Variants in SH3PXD2A observed in about 807,000 individuals in gnomAD.
SH3PXD2A encodes the protein SH3 and PX domains 2A.
A neutral mutation model predicts 115.2 loss-of-function variants in SH3PXD2A; 32 were observed. That is an observed-to-expected ratio of 0.28 (90% CI 0.21 to 0.37). The LOEUF is 0.37. Ranked by LOEUF, SH3PXD2A falls within the 10% of genes least tolerant of loss-of-function variation. SH3PXD2A has a pLI of 1.00. For synonymous variants in SH3PXD2A, 610 were observed against 629.1 expected, an observed-to-expected ratio of 0.97 and a Z score of 0.45; for missense variants, 1,328 against 1,498.7, an observed-to-expected ratio of 0.89 and a Z score of 1.88.
chr10:103,795,942 GGAAGGAAGGAAGGAAA>G (rs2039083671), intron 2 of SH3PXD2A, among the ~76,000 whole-genome samples: 2 of 149,982 alleles, frequency 1.3e-5, no homozygotes, highest in African/African-American at 4.9e-5. Context: ...CAGGAAGGAA[GGAAGGAAGGAAGGAAA>G]CCAGAGACAT....
chr10:103,628,440 C>T (rs1385343251), intron 8 of SH3PXD2A, among the ~76,000 whole-genome samples: 1 of 151,944 alleles, frequency 6.6e-6, no homozygotes, highest in Non-Finnish European at 1.5e-5. Flanking sequence ...TCTTGAGGTC[C>T]AGGCCTATGT....
At chr10:103,770,517 A>T (rs2038806087) in intron 2 of SH3PXD2A, among the ~76,000 whole-genome samples, 1 of 152,208 alleles carries the variant, frequency 6.6e-6, no homozygotes. Context: ...AGCATTCTCA[A>T]TCAGGACACA....
chr10:103,774,425 A>G (rs1000877349), intron 2 of SH3PXD2A, among the ~76,000 whole-genome samples: 4 of 152,056 alleles, frequency 2.6e-5, no homozygotes, highest in Non-Finnish European at 4.4e-5. Flanking sequence ...TATAGTTTCC[A>G]TTTCTCTACT....
At chr10:103,744,466 T>G (rs900605595) in intron 3 of SH3PXD2A, among the ~76,000 whole-genome samples, 2 of 152,140 alleles carry the variant, frequency 1.3e-5, no homozygotes, top group Admixed American at 1.3e-4. Context: ...GCTTGTCTTT[T>G]TAAGTGCTGC....
At chr10:103,853,309 A>G (rs1842913038) in intron 1 of SH3PXD2A, among the ~76,000 whole-genome samples, 1 of 152,226 alleles carries the variant, frequency 6.6e-6, no homozygotes, top group Admixed American at 6.5e-5. Context: ...GCTGCTTTTC[A>G]AAAATACTTT....
At chr10:103,698,630 A>G in intron 5 of SH3PXD2A, among the ~76,000 whole-genome samples, 1 of 151,366 alleles carries the variant, frequency 6.6e-6, no homozygotes, top group Middle Eastern at 3.2e-3. Context: ...GAGGTACATA[A>G]TGATTTTGAC....
chr10:103,667,088 T>TCAAAGATGAGATATGA (rs1222189062), intron 7 of SH3PXD2A, among the ~76,000 whole-genome samples: 1 of 152,164 alleles, frequency 6.6e-6, no homozygotes, highest in East Asian at 1.9e-4. Context: ...CTGAGTTTCC[T>TCAAAGATGAGATATGA]GTCTCATATC....
chr10:103,735,863 C>A lies in SH3PXD2A; in HGVS notation c.230-55G>T, dbSNP rs2038374370. The A allele has an allele frequency of 3.0e-6, 4 of 1,343,452 alleles. No individual in the cohort carries two copies. The Middle Eastern group carries it at 5.3e-4, about 180-fold the overall frequency. The allele number at this position is 1,343,452 out of a possible 1,614,324, so 83.2% of individuals were successfully genotyped here. A position where few individuals can be genotyped will look rare whatever the true frequency, so the allele number is the denominator to read the frequency against. The stretch of plus-strand genomic sequence containing the variant: ...TTCTGGCTAAAACTGCTACAGAGAC[C>A]TTCTCATTCCCCTCTCCCTTGGCTT... On this transcript the variant is annotated intron_variant, in intron 3 of 14. Coordinates refer to ENST00000369774, the MANE Select transcript of SH3PXD2A (RefSeq NM_001394015.1).
chr10:103,606,572 C>T (rs1455999758), intron 13 of SH3PXD2A, among the ~76,000 whole-genome samples: 1 of 150,718 alleles, frequency 6.6e-6, no homozygotes, highest in Non-Finnish European at 1.5e-5. Context: ...CTGCTGCCAT[C>T]TCTGCTCACT....
intron 1 of SH3PXD2A, among the ~76,000 whole-genome samples, chr10:103,853,621 T>C (rs1375297999): frequency 2.6e-5 from 4 of 152,218 alleles, no homozygotes; most frequent in Non-Finnish European, 5.9e-5. Context: ...TCTAGTTTGT[T>C]ACCAGTGTGT....
intron 10 of SH3PXD2A, among the ~76,000 whole-genome samples, chr10:103,621,195 A>G (rs1018698995): frequency 6.6e-6 from 1 of 152,128 alleles, no homozygotes; most frequent in Non-Finnish European, 1.5e-5. Flanking sequence ...TCAGTGTGCA[A>G]GGGTGTTTGG....
In SH3PXD2A at chr10:103,736,717, G is replaced by GT; in HGVS notation, c.230-910dup. 3.2e-6 allele frequency: 4 copies of GT among 1,234,636 alleles called. No individual in the cohort carries two copies. In the South Asian group the frequency reaches 5.0e-5, roughly 15 times the overall value. The allele number at this position is 1,234,636 out of a possible 1,614,324, so 76.5% of individuals were successfully genotyped here. On this transcript the variant is annotated intron_variant, in intron 3 of 14. Coordinates refer to ENST00000369774, the MANE Select transcript of SH3PXD2A (RefSeq NM_001394015.1). Reference sequence around the variant, plus strand: ...CCTAGGCTATCTGCCACATTCTGCTGTGAGTTATAGCACTTGTGACCCATT... The same window carrying GT: ...CCTAGGCTATCTGCCACATTCTGCTGTTGAGTTATAGCACTTGTGACCCATT...
chr10:103,669,378 GTCC>G (rs2037427820), intron 6 of SH3PXD2A, among the ~76,000 whole-genome samples: 1 of 152,186 alleles, frequency 6.6e-6, no homozygotes, highest in African/African-American at 2.4e-5. Context: ...ATTTAGAGTT[GTCC>G]TCCTGCCAAG....
At chr10:103,662,978 T>C (rs2037335166) in intron 7 of SH3PXD2A, among the ~76,000 whole-genome samples, 1 of 152,118 alleles carries the variant, frequency 6.6e-6, no homozygotes, top group Non-Finnish European at 1.5e-5. Flanking sequence ...CTAATTTTTT[T>C]ATGTTTTGTA....
chr10:103,602,928 G>C lies in SH3PXD2A; in HGVS notation c.2290C>G (p.Arg764Gly). 6.2e-7 allele frequency: 1 copy of C among 1,614,206 alleles called. No homozygotes were observed. The change falls in exon 15 of 15, where the codon CGA becomes GGA. Residue 764 changes from arginine (R) to glycine (G), a missense_variant. By Grantham distance (125) the Arg-to-Gly change is moderately radical. Transcript: ENST00000369774. ...PSVRPKPFLN[R>G]AESQSQEKMD... ...TTCTCTTGGCTCTGCGACTCTGCTC[G>C]GTTTAGGAATGGCTTGGGCCGGACC...
At chr10:103,648,334 T>C (rs2037066658) in intron 8 of SH3PXD2A, among the ~76,000 whole-genome samples, 2 of 152,222 alleles carry the variant, frequency 1.3e-5, no homozygotes, top group African/African-American at 4.8e-5. Context: ...ATTGCTTTCA[T>C]GGCTCTTGTT....
At chr10:103,796,997 G>A (rs935108116) in intron 2 of SH3PXD2A, among the ~76,000 whole-genome samples, 4 of 151,670 alleles carry the variant, frequency 2.6e-5, no homozygotes, top group African/African-American at 9.7e-5. Flanking sequence ...TGAGTAGCTG[G>A]AACTACAGGC....
chr10:103,808,614 C>G (rs1248749748), intron 1 of SH3PXD2A, among the ~76,000 whole-genome samples: 1 of 152,206 alleles, frequency 6.6e-6, no homozygotes, highest in South Asian at 2.1e-4. Context: ...GACATCTGAT[C>G]TGGACCCCCA....
intron 1 of SH3PXD2A, among the ~76,000 whole-genome samples, 182 bp from the exon 2 acceptor site, chr10:103,801,544 C>G (rs1028432364): frequency 1.3e-5 from 2 of 151,300 alleles, no homozygotes; most frequent in Non-Finnish European, 2.9e-5. Flanking sequence ...TGTCTAAATA[C>G]ACACACACAC....
Sources: gnomAD v4.1 joint callset for allele counts (sites outside exome capture counted in the v4.1 genomes callset) on GRCh38, gnomAD v4.1.1 for gene constraint, MANE v1.5 for transcripts, NCBI Gene and HGNC (gene_info 2026-07-23, HGNC 2026-07-21) for gene names.